Variants in ZNF232 observed in about 807,000 individuals in gnomAD.
ZNF232 encodes zinc finger protein 232.
A neutral mutation model predicts 25.2 loss-of-function variants in ZNF232; 25 were observed. The ratio of observed to expected loss-of-function variants is 0.99; its 90% CI spans 0.72 to 1.39. The LOEUF (loss-of-function observed/expected upper bound fraction) is 1.39. ZNF232 is among the 40% of genes most tolerant of loss of function. The pLI, the probability that ZNF232 is intolerant of heterozygous loss-of-function variation, is 0.00. For missense variants in ZNF232, 519 were observed against 520.9 expected, an observed-to-expected ratio of 1.00 and a Z score of 0.04; for synonymous variants, 193 against 182.9, an observed-to-expected ratio of 1.06 and a Z score of -0.45.
chr17:5,109,359 C>T (rs770100145), intron 2 of ZNF232, 35 bp downstream of exon 2: 14 of 1,612,966 alleles, frequency 8.7e-6, no homozygotes, highest in Non-Finnish European at 8.5e-6. Flanking sequence ...GGTCATCAAT[C>T]TGGCTCCCAT....
At chr17:5,107,761 C>T (rs1428432548) in intron 3 of ZNF232, among the ~76,000 whole-genome samples, 3 of 152,080 alleles carry the variant, frequency 2.0e-5, no homozygotes, top group African/African-American at 7.2e-5. Context: ...GTCTTGAACT[C>T]CTGACCCAAG....
At chr17:5,106,525 A>T (rs1381290636) in intron 3 of ZNF232, 1 of 1,607,340 alleles carries the variant, frequency 6.2e-7, no homozygotes, top group Non-Finnish European at 8.5e-7. Context: ...AAATGTAAAT[A>T]TACCTGTTCT....
At chr17:5,109,912 C>CA in intron 1 of ZNF232, 44 bp from the exon 2 acceptor site, 1 of 1,513,612 alleles carries the variant, frequency 6.6e-7, no homozygotes, top group South Asian at 1.3e-5. Context: ...TTTTTTAAGA[C>CA]AGAGTCTTTC....
In ZNF232 at chr17:5,107,737, T is replaced by C. The variant is rs376740520; in HGVS notation, c.625+1189A>G. On this transcript the variant is annotated intron_variant, in intron 3 of 3. Coordinates refer to ENST00000575898, the Ensembl canonical transcript of ZNF232. ...TTTTAGTAGAGACAGGGTTTCACCA[T>C]GTTGGCCAGGCTGGTCTTGAACTCC... Among the ~76,000 whole-genome samples the C allele has an allele frequency of 2.0e-4, 30 of 152,268 alleles. 1 individual carries two copies. In the East Asian group the frequency reaches 2.9e-3, roughly 15 times the overall value.
intron 1 of ZNF232, among the ~76,000 whole-genome samples, chr17:5,120,319 G>T (rs762917981): frequency 1.3e-5 from 2 of 152,072 alleles, no homozygotes; most frequent in African/African-American, 4.8e-5. Flanking sequence ...GAGTGAGGTC[G>T]CCTGTGGTCA....
intron 2 of ZNF232, 92 bp from the exon 3 acceptor site, chr17:5,109,144 T>G: frequency 6.4e-7 from 1 of 1,567,832 alleles, no homozygotes; most frequent in Non-Finnish European, 8.7e-7. Context: ...GATGTGACCC[T>G]CCTTGGACCA....
intron 3 of ZNF232, chr17:5,108,675 G>A (rs1482828005): frequency 4.9e-6 from 2 of 408,886 alleles, no homozygotes; most frequent in East Asian, 5.2e-5. Flanking sequence ...TGCTGGCCAG[G>A]CTTTATATCC....
chr17:5,120,236 T>C (rs2072622280), intron 1 of ZNF232, among the ~76,000 whole-genome samples: 1 of 151,798 alleles, frequency 6.6e-6, no homozygotes, highest in African/African-American at 2.4e-5. Context: ...CAACGTAGGG[T>C]TGCTCTCTGC....
At chr17:5,113,527 A>C (rs935284041), upstream of ZNF232, 61 of 152,248 alleles carry the variant, frequency 4.0e-4, 1 homozygote, top group African/African-American at 1.5e-3. Flanking sequence ...CTACTTTTAC[A>C]TGAGAGAAGA....
At chr17:5,108,492 A>T (rs964614480) in intron 3 of ZNF232, among the ~76,000 whole-genome samples, 1 of 152,080 alleles carries the variant, frequency 6.6e-6, no homozygotes, top group Non-Finnish European at 1.5e-5. Context: ...TATGGCTTAA[A>T]AAGTGTTTTG....
intron 1 of ZNF232, 26 bp from the exon 2 acceptor site, chr17:5,109,894 T>G: frequency 6.5e-7 from 1 of 1,526,802 alleles, no homozygotes; most frequent in Non-Finnish European, 8.8e-7. Context: ...AAATCATTCC[T>G]CTTTTTTTTT....
chr17:5,111,465 C>T, intron 1 of ZNF232: 1 of 437,054 alleles, frequency 2.3e-6, no homozygotes, highest in Non-Finnish European at 4.1e-6. Flanking sequence ...GCGCCGCTGG[C>T]CCCAGCAAAA....
intron 3 of ZNF232, among the ~76,000 whole-genome samples, chr17:5,108,422 G>A (rs1319687991): frequency 6.6e-6 from 1 of 151,954 alleles, no homozygotes; most frequent in Non-Finnish European, 1.5e-5. Flanking sequence ...AGATAGGGCT[G>A]TTTACATGAG....
chr17:5,121,450 A>G lies in ZNF232; in HGVS notation c.-530+1527T>C, dbSNP rs761165346. On this transcript the variant is annotated intron_variant, in intron 1 of 4. Transcript: ENST00000250076. ...CGGCAGGATAGAGATATGGAGCTCT[A>G]CATCTCTGTGCAGAACCTGAGCCAT... is the stretch of plus-strand genomic sequence containing the variant. The G allele has an allele frequency of 2.4e-5, 7 of 293,728 alleles. No homozygotes were observed. The South Asian group carries it at 2.4e-4, about 10-fold the overall frequency. 18.2% of individuals were successfully genotyped at this position (293,728 alleles called of 1,614,324 possible). A position where few individuals can be genotyped will look rare whatever the true frequency, so the allele number is the denominator to read the frequency against.
rs946930437 is a variant in ZNF232, at chr17:5,111,796, T to G, written c.23+4A>C. 1 of 1,613,736 alleles carries G rather than the reference T, an allele frequency of 6.2e-7. No homozygotes were observed. On this transcript the variant is annotated splice_donor_region_variant and intron_variant, in intron 1 of 3. Transcript: ENST00000575898. ...ACCTCGGGGAAGCCGCCGCCAACAC[T>G]CACCTCACAGGACCAGGAGGTTCCA...
intron 3 of ZNF232, among the ~76,000 whole-genome samples, chr17:5,107,260 C>T (rs887487740): frequency 3.3e-5 from 5 of 151,178 alleles, no homozygotes; most frequent in Non-Finnish European, 5.9e-5. Flanking sequence ...TGATGGCGGG[C>T]GCCTGTAGTC....
intron 1 of ZNF232, among the ~76,000 whole-genome samples, chr17:5,110,909 GGAGGA>G (rs1040857496): frequency 3.9e-5 from 6 of 152,178 alleles, no homozygotes; most frequent in African/African-American, 1.4e-4. Flanking sequence ...AGGAGGGGAA[GGAGGA>G]GAGAAGAGGG....
chr17:5,116,869 C>T (rs985825481), intron 1 of ZNF232: 4 of 152,254 alleles, frequency 2.6e-5, no homozygotes, highest in African/African-American at 7.2e-5. Flanking sequence ...GTACCCAACA[C>T]ATAGCAAGTA....
At chr17:5,106,308 T>C (rs2072259739) in exon 4 of ZNF232, 2 of 1,614,246 alleles carry the variant, frequency 1.2e-6, no homozygotes, top group Non-Finnish European at 1.7e-6. Context: ...CCTGAAACTT[T>C]CCTCCTGGGC....
Sources: gnomAD v4.1 joint callset for allele counts (sites outside exome capture counted in the v4.1 genomes callset) on GRCh38, gnomAD v4.1.1 for gene constraint, MANE v1.5 for transcripts, NCBI Gene and HGNC (gene_info 2026-07-23, HGNC 2026-07-21) for gene names.